The following ESYT2 variants were observed in gnomAD, a reference collection of about 807,000 sequenced individuals.
ESYT2 encodes the protein extended synaptotagmin-2.
A neutral mutation model predicts 107.2 loss-of-function variants in ESYT2; 54 were observed. The observed-to-expected ratio is 0.50, with a 90% CI of 0.40 to 0.63. The LOEUF is 0.63. Among genes scored for constraint, ESYT2 ranks in the 30% least tolerant of loss-of-function variants. The pLI is 0.00. For missense variants in ESYT2, 1,020 were observed against 1,094.5 expected (o/e 0.93, Z 0.96); for synonymous variants, 491 against 434.1 (o/e 1.13, Z -1.63).
intron 1 of ESYT2, among the ~76,000 whole-genome samples, chr7:158,805,032 G>A (rs770110928): frequency 2.0e-5 from 3 of 152,168 alleles, no homozygotes; most frequent in Non-Finnish European, 2.9e-5. Context: ...GGCACACGGC[G>A]CTTCAATGTT....
intron 4 of ESYT2, among the ~76,000 whole-genome samples, chr7:158,792,763 G>GTTTT (rs1563023556): frequency 1.5e-5 from 2 of 134,050 alleles, no homozygotes; most frequent in African/African-American, 6.1e-5. Flanking sequence ...TATAACGTGG[G>GTTTT]GTTTTTTTTT....
At chr7:158,796,786 G>A (rs2602553) in intron 3 of ESYT2, among the ~76,000 whole-genome samples, 8 of 151,584 alleles carry the variant, frequency 5.3e-5, no homozygotes, top group Non-Finnish European at 1.0e-4. Flanking sequence ...GCACCGCGGC[G>A]GGAGGCAGAG....
chr7:158,800,411 A>G lies in ESYT2; in HGVS notation c.331-1339T>C, dbSNP rs1297813545. ...TTTCTTTCTTTTTTTAAATCCAGAG[A>G]CAGGGTCTCACTCTGTCACTCAGGC... On this transcript the variant is annotated intron_variant, in intron 1 of 22. Coordinates refer to ENST00000275418, the MANE Select transcript of ESYT2 (RefSeq NM_001367773.1). 2.6e-5 allele frequency among the ~76,000 whole-genome samples: 4 copies of G among 151,952 alleles called. No homozygotes were observed. The East Asian group carries it at 7.7e-4, about 29-fold the overall frequency.
chr7:158,802,704 T>C (rs1194223490), intron 1 of ESYT2, among the ~76,000 whole-genome samples: 1 of 152,240 alleles, frequency 6.6e-6, no homozygotes, highest in East Asian at 1.9e-4. Flanking sequence ...TTCTGCTGAC[T>C]CATTCCTCTT....
intron 14 of ESYT2, among the ~76,000 whole-genome samples, chr7:158,749,970 G>C (rs907715882): frequency 6.6e-6 from 1 of 152,164 alleles, no homozygotes; most frequent in Non-Finnish European, 1.5e-5. Context: ...AACTACTTTG[G>C]AAAACTGAAT....
At chr7:158,796,678 C>T (rs902276827) in intron 3 of ESYT2, among the ~76,000 whole-genome samples, 4 of 152,158 alleles carry the variant, frequency 2.6e-5, no homozygotes, top group Non-Finnish European at 2.9e-5. Flanking sequence ...AAGACGGCAC[C>T]GCGGACAAGA....
intron 6 of ESYT2, among the ~76,000 whole-genome samples, 163 bp from the exon 7 acceptor site, chr7:158,773,559 A>G (rs897759554): frequency 1.1e-4 from 17 of 152,184 alleles, no homozygotes; most frequent in Non-Finnish European, 2.1e-4. Flanking sequence ...CTTTGGTGGT[A>G]CGTGGAGACC....
At chr7:158,739,798 C>CA (rs111552073) in intron 18 of ESYT2, among the ~76,000 whole-genome samples, 35,948 of 151,900 alleles carry the variant, frequency 0.24, 5,118 homozygotes, top group East Asian at 0.59. Context: ...TTATACCCCC[C>CA]CCTTCGCAGT....
At chr7:158,814,765 G>C (rs1840103823) in intron 1 of ESYT2, among the ~76,000 whole-genome samples, 1 of 152,234 alleles carries the variant, frequency 6.6e-6, no homozygotes, top group Non-Finnish European at 1.5e-5. Context: ...CCAGCTCCCA[G>C]GGCACTGAGT....
chr7:158,787,517 G>T (rs1349468032), intron 6 of ESYT2, among the ~76,000 whole-genome samples: 1 of 152,222 alleles, frequency 6.6e-6, no homozygotes, highest in Non-Finnish European at 1.5e-5. Context: ...GAGGTTTACA[G>T]ATGAGTCTTC....
chr7:158,795,486 G>A lies in ESYT2; in HGVS notation c.508-1760C>T, dbSNP rs144898357. ...GCATAACAGGCTAAATGTGCCTTTG[G>A]CCTGACTCTACAGCCCTGGAGCTAG... On this transcript the variant is annotated intron_variant, in intron 3 of 22. Coordinates refer to ENST00000275418, the MANE Select transcript of ESYT2 (RefSeq NM_001367773.1). Among the ~76,000 whole-genome samples the A allele has an allele frequency of 2.0e-3, 304 of 152,356 alleles. 3 individuals carry two copies. Among genetic ancestry groups the A allele is most frequent in the African/African-American group, 6.8e-3 (284 of 41,578 alleles).
chr7:158,814,286 A>G (rs1387155923), intron 1 of ESYT2, among the ~76,000 whole-genome samples: 1 of 110,904 alleles, frequency 9.0e-6, no homozygotes, highest in Non-Finnish European at 1.7e-5. Flanking sequence ...AAAAAAAAAA[A>G]TTATATATAT....
chr7:158,732,974 G>C lies in ESYT2; in HGVS notation c.*1233C>G, dbSNP rs1836796934. Reference sequence around the variant, plus strand: ...GAGGTCTGGGGGACTCTTAAGTACAGAAACCTGCTTTTAACAGTCTAAACA... The same window carrying C: ...GAGGTCTGGGGGACTCTTAAGTACACAAACCTGCTTTTAACAGTCTAAACA... On this transcript the variant is annotated 3_prime_UTR_variant, in exon 23 of 23. Coordinates refer to ENST00000275418, the MANE Select transcript of ESYT2 (RefSeq NM_001367773.1). 1 of 152,220 alleles carries C rather than the reference G, an allele frequency of 6.6e-6. No homozygotes were observed. The highest frequency in any genetic ancestry group is 1.5e-5 in the Non-Finnish European group (1 of 68,036). 9.4% of individuals were successfully genotyped at this position (152,220 alleles called of 1,614,324 possible). A position where few individuals can be genotyped will look rare whatever the true frequency, so the allele number is the denominator to read the frequency against.
rs780695245 is a variant in ESYT2, at chr7:158,739,170, G to A, written c.2169-49C>T. The A allele has an allele frequency of 3.5e-5, 53 of 1,519,482 alleles. No individual in the cohort carries two copies. The Middle Eastern group carries it at 6.8e-4, about 19-fold the overall frequency. The allele number at this position is 1,519,482 out of a possible 1,614,324, so 94.1% of individuals were successfully genotyped here. ...ACCAGCTTGCCTGAGACTGGAGAAC[G>A]TTGTGATTCATTGGTCCACTGTACA... On this transcript the variant is annotated intron_variant, in intron 18 of 22. Coordinates refer to ENST00000275418, the MANE Select transcript of ESYT2 (RefSeq NM_001367773.1).
At position 158,752,485 on chromosome 7, in the gene ESYT2, T is replaced by C. The variant is rs140039320; in HGVS notation, c.1482+296A>G. On this transcript the variant is annotated intron_variant, in intron 14 of 22. Coordinates refer to ENST00000275418, the MANE Select transcript of ESYT2 (RefSeq NM_001367773.1). ...AAGTAGAACGTCTATATCACAATTT[T>C]CACAAATTCAAATCCAATTAAAATA... Among the ~76,000 whole-genome samples, 776 of 152,362 alleles carry C rather than the reference T, an allele frequency of 5.1e-3. 4 individuals carry two copies. The highest frequency in any genetic ancestry group is 0.018 in the African/African-American group (745 of 41,584).
At chr7:158,759,648 T>C (rs749981320) in intron 12 of ESYT2, 67 bp from the exon 13 acceptor site, 38 of 1,249,378 alleles carry the variant, frequency 3.0e-5, no homozygotes, top group Admixed American at 8.9e-5. Context: ...TTCTATCTGA[T>C]TGTATCATGT....
chr7:158,798,172 G>T, intron 2 of ESYT2, 96 bp from the exon 3 acceptor site: 1 of 1,326,500 alleles, frequency 7.5e-7, no homozygotes, highest in Non-Finnish European at 1.0e-6. Flanking sequence ...ACCAAACCTG[G>T]TTTTGAAAAT....
intron 6 of ESYT2, among the ~76,000 whole-genome samples, chr7:158,781,601 G>A (rs57414791): frequency 0.19 from 28,536 of 146,794 alleles, 3,456 homozygotes; most frequent in East Asian, 0.48. Flanking sequence ...GTATAAGACC[G>A]AGAACAAGTG....
chr7:158,822,580 T>C (rs897830447), intron 1 of ESYT2, among the ~76,000 whole-genome samples: 6 of 151,928 alleles, frequency 3.9e-5, no homozygotes, highest in African/African-American at 1.2e-4. Context: ...CTGGGCAACA[T>C]AGCAAGACCT....
Sources: gnomAD v4.1 joint callset for allele counts (sites outside exome capture counted in the v4.1 genomes callset) on GRCh38, gnomAD v4.1.1 for gene constraint, MANE v1.5 for transcripts, NCBI Gene and HGNC (gene_info 2026-07-23, HGNC 2026-07-21) for gene names.